The following SPATA6 variants were observed in gnomAD, a reference collection of about 807,000 sequenced individuals.
The protein encoded by SPATA6 is spermatogenesis associated 6, also known as spermatogenesis-associated protein 6.
SPATA6 carries 56 observed loss-of-function variants against 65.3 expected under a neutral mutation model. That is an observed-to-expected ratio of 0.86 (90% confidence interval 0.69 to 1.07). The LOEUF is 1.07. Among genes scored for constraint, SPATA6 ranks in the 50% least tolerant of loss-of-function variants. The pLI, the probability that SPATA6 is intolerant of heterozygous loss-of-function variation, is 0.00. For missense variants in SPATA6, 590 were observed against 594.8 expected, an observed-to-expected ratio of 0.99 and a Z score of 0.08; for synonymous variants, 199 against 213.2, an observed-to-expected ratio of 0.93 and a Z score of 0.58.
At chr1:48,423,825 G>T (rs955559267) in intron 3 of SPATA6, among the ~76,000 whole-genome samples, 12 of 151,868 alleles carry the variant, frequency 7.9e-5, no homozygotes, top group African/African-American at 2.9e-4. Flanking sequence ...GAGATTACAG[G>T]CATGAGCCAC....
intron 11 of SPATA6, among the ~76,000 whole-genome samples, chr1:48,329,286 G>A (rs751086218): frequency 1.1e-4 from 16 of 152,128 alleles, no homozygotes; most frequent in South Asian, 6.2e-4. Context: ...AAGCAGTGGC[G>A]TAGAGGGAAA....
chr1:48,381,181 A>C (rs1240641717), intron 9 of SPATA6, among the ~76,000 whole-genome samples: 2 of 152,160 alleles, frequency 1.3e-5, no homozygotes, highest in African/African-American at 4.8e-5. Context: ...AGTTCCTAAC[A>C]GGCCACAGAC....
At chr1:48,461,858 G>A (rs1657455220) in intron 1 of SPATA6, among the ~76,000 whole-genome samples, 1 of 152,140 alleles carries the variant, frequency 6.6e-6, no homozygotes, top group Admixed American at 6.5e-5. Context: ...ATACCCAAAG[G>A]ACTATAAACC....
At chr1:48,299,870 T>C (rs184686109) in intron 12 of SPATA6, among the ~76,000 whole-genome samples, 1 of 152,298 alleles carries the variant, frequency 6.6e-6, no homozygotes, top group East Asian at 1.9e-4. Context: ...TCTAAGACCC[T>C]TTCTACTATG....
At chr1:48,435,912 C>G (rs187543422) in intron 3 of SPATA6, 31,120 of 1,526,956 alleles carry the variant, frequency 0.02, 447 homozygotes, top group Non-Finnish European at 0.025. Context: ...AAAACAAAAG[C>G]CTTCTTTGGA....
At chr1:48,315,055 T>C (rs1645364844) in intron 11 of SPATA6, among the ~76,000 whole-genome samples, 1 of 151,944 alleles carries the variant, frequency 6.6e-6, no homozygotes, top group Admixed American at 6.6e-5. Flanking sequence ...AATTAATAGC[T>C]TACCAAACAA....
intron 11 of SPATA6, among the ~76,000 whole-genome samples, chr1:48,316,219 T>A (rs987350836): frequency 6.6e-6 from 1 of 152,054 alleles, no homozygotes; most frequent in Admixed American, 6.6e-5. Context: ...GAGCCCGCAT[T>A]ACCAAGTCAA....
intron 11 of SPATA6, among the ~76,000 whole-genome samples, chr1:48,316,269 C>T (rs1416904364): frequency 1.3e-5 from 2 of 152,178 alleles, no homozygotes; most frequent in Non-Finnish European, 2.9e-5. Context: ...ATCACGCTAC[C>T]TGACTTCAAA....
intron 3 of SPATA6, among the ~76,000 whole-genome samples, chr1:48,443,333 C>G (rs998191056): frequency 6.6e-6 from 1 of 152,186 alleles, no homozygotes; most frequent in Non-Finnish European, 1.5e-5. Flanking sequence ...AAATCAGACC[C>G]TATCAGTGCC....
chr1:48,309,205 T>G (rs2148661553), intron 11 of SPATA6, among the ~76,000 whole-genome samples: 1 of 152,264 alleles, frequency 6.6e-6, no homozygotes, highest in East Asian at 1.9e-4. Context: ...TGTCCCTTCC[T>G]TTCTCCCTCT....
In SPATA6 at chr1:48,359,571, AC is replaced by A. The variant is rs1646750236; in HGVS notation, c.1094+14del. On this transcript the variant is annotated intron_variant, in intron 10 of 12. Transcript: ENST00000371847. The stretch of plus-strand genomic sequence containing the variant: ...TTCAAAGATCAGTACAGAAATGAAG[AC>A]CGCACATAATTACCTTTCCCTGAGA... The A allele has an allele frequency of 6.2e-7, 1 of 1,611,558 alleles. No homozygotes were observed. The highest frequency in any genetic ancestry group is 8.5e-7 in the Non-Finnish European group (1 of 1,178,424).
intron 1 of SPATA6, among the ~76,000 whole-genome samples, chr1:48,459,204 C>CAAAAAAAAAA (rs35079974): frequency 1.5e-5 from 1 of 66,388 alleles, no homozygotes; most frequent in African/African-American, 5.5e-5. Context: ...GACTCCATAT[C>CAAAAAAAAAA]AAAAAAAAAA....
the SPATA6 span, chr1:48,262,949 A>G: frequency 6.6e-6 from 1 of 152,188 alleles, no homozygotes; most frequent in African/African-American, 2.4e-5. Context: ...TTGATGTCTA[A>G]ATAATGGTGA....
chr1:48,430,291 C>T (rs147422765), intron 3 of SPATA6, among the ~76,000 whole-genome samples: 2 of 152,126 alleles, frequency 1.3e-5, no homozygotes, highest in South Asian at 2.1e-4. Flanking sequence ...TAGCAGATAT[C>T]GCATCAGAAA....
At chr1:48,339,041 G>A (rs1209858023) in intron 11 of SPATA6, among the ~76,000 whole-genome samples, 1 of 151,708 alleles carries the variant, frequency 6.6e-6, no homozygotes, top group East Asian at 1.9e-4. Flanking sequence ...AGAGAGCAGG[G>A]GACTGAAATA....
At chr1:48,441,768 T>A (rs1460384948) in intron 3 of SPATA6, among the ~76,000 whole-genome samples, 4 of 152,174 alleles carry the variant, frequency 2.6e-5, no homozygotes, top group Non-Finnish European at 4.4e-5. Context: ...TCACTGTTTA[T>A]GGGTAGTTGC....
Position 48,384,326 on chromosome 1 carries a change from GAGGGACAGGGAC to G in SPATA6, c.909+971_909+982del, listed in dbSNP as rs1253929304. Among the ~76,000 whole-genome samples the G allele has an allele frequency of 8.7e-4, 78 of 90,112 alleles. 5 individuals are homozygous for G. The highest frequency in any genetic ancestry group is 3.8e-3 in the African/African-American group (54 of 14,236). 59.1% of individuals were successfully genotyped at this position (90,112 alleles called of 152,430 possible). A position where few individuals can be genotyped will look rare whatever the true frequency, so the allele number is the denominator to read the frequency against. On this transcript the variant is annotated intron_variant, in intron 9 of 12. Coordinates refer to ENST00000371847, the MANE Select transcript of SPATA6 (RefSeq NM_019073.4). ...GGCTCGGCATCAGAGGGAGACCGTG[GAGGGACAGGGAC>G]AGGGACAGGGACAGGGAGAGGGAGA...
At chr1:48,340,241 T>TAAAAAAAA (rs58721253) in intron 11 of SPATA6, among the ~76,000 whole-genome samples, 14 of 53,050 alleles carry the variant, frequency 2.6e-4, no homozygotes, top group African/African-American at 8.5e-4. Context: ...AGGCCTGCAC[T>TAAAAAAAA]AAAAAAAAAA....
chr1:48,353,856 T>C (rs962398998), intron 11 of SPATA6, among the ~76,000 whole-genome samples: 1 of 151,884 alleles, frequency 6.6e-6, no homozygotes, highest in Non-Finnish European at 1.5e-5. Context: ...AGACAAAAAC[T>C]ATAAAAATGC....
Sources: gnomAD v4.1 joint callset for allele counts (sites outside exome capture counted in the v4.1 genomes callset) on GRCh38, gnomAD v4.1.1 for gene constraint, MANE v1.5 for transcripts, NCBI Gene and HGNC (gene_info 2026-07-23, HGNC 2026-07-21) for gene names.